PLEKHG7: variants seen among roughly 807,000 people sequenced by gnomAD.
PLEKHG7 encodes pleckstrin homology domain-containing family G member 7.
Under a neutral mutation model 85.2 loss-of-function variants are expected in PLEKHG7, and 77 were observed. The ratio of observed to expected loss-of-function variants is 0.90; its 90% CI spans 0.75 to 1.09. The LOEUF (loss-of-function observed/expected upper bound fraction) is 1.09. PLEKHG7 is among the 50% of genes least tolerant of loss of function. The pLI is 0.00. For missense variants in PLEKHG7, 777 were observed against 804.3 expected (o/e 0.97, Z 0.41); for synonymous variants, 301 against 302.4 (o/e 1.00, Z 0.05).
chr12:92,705,478 G>C (rs1402155898), intron 1 of PLEKHG7, among the ~76,000 whole-genome samples: 1 of 152,188 alleles, frequency 6.6e-6, no homozygotes, highest in Non-Finnish European at 1.5e-5. Flanking sequence ...GTGGGCAAAG[G>C]GTTTCAGATT....
intron 16 of PLEKHG7, 51 bp downstream of exon 16, chr12:92,769,131 T>TC (rs761289119): frequency 6.1e-6 from 8 of 1,318,324 alleles, no homozygotes; most frequent in Non-Finnish European, 4.3e-6. Context: ...TTACATAAGC[T>TC]CCCCCCAAGT....
intron 16 of PLEKHG7, 135 bp from the exon 17 acceptor site, chr12:92,769,953 G>A: frequency 6.7e-6 from 4 of 595,256 alleles, no homozygotes; most frequent in Non-Finnish European, 1.2e-5. Flanking sequence ...GGAAACATAT[G>A]CAAATGTTTC....
At chr12:92,754,428 A>G (rs1357811090) in intron 11 of PLEKHG7, among the ~76,000 whole-genome samples, 164 bp downstream of exon 11, 1 of 152,224 alleles carries the variant, frequency 6.6e-6, no homozygotes, top group Non-Finnish European at 1.5e-5. Flanking sequence ...TGCGCACAGA[A>G]CAATGGGCTC....
At chr12:92,740,990 G>A (rs1441549935) in intron 8 of PLEKHG7, 42 bp downstream of exon 8, 2 of 1,398,158 alleles carry the variant, frequency 1.4e-6, no homozygotes, top group East Asian at 4.6e-5. Flanking sequence ...ATTCACTAGA[G>A]GACCATGAAA....
chr12:92,715,388 A>C (rs566076715), intron 3 of PLEKHG7, among the ~76,000 whole-genome samples: 54 of 152,318 alleles, frequency 3.5e-4, no homozygotes, highest in African/African-American at 1.2e-3. Flanking sequence ...AGATACACCC[A>C]GGATCAATAC....
chr12:92,767,547 G>A (rs554497663), intron 15 of PLEKHG7, among the ~76,000 whole-genome samples: 93 of 151,596 alleles, frequency 6.1e-4, no homozygotes, highest in African/African-American at 2.2e-3. Flanking sequence ...AAGTCCTCTC[G>A]CTGCAGAGAA....
intron 9 of PLEKHG7, among the ~76,000 whole-genome samples, chr12:92,742,811 C>T (rs537304314): frequency 8.6e-5 from 13 of 152,032 alleles, no homozygotes; most frequent in African/African-American, 2.9e-4. Context: ...GTCTCGAATT[C>T]CCTCCCAAAG....
intron 9 of PLEKHG7, among the ~76,000 whole-genome samples, chr12:92,744,011 A>G (rs1449673952): frequency 6.6e-6 from 1 of 152,134 alleles, no homozygotes; most frequent in Non-Finnish European, 1.5e-5. Flanking sequence ...ATAAACTCAC[A>G]TCATCTTTCA....
intron 3 of PLEKHG7, among the ~76,000 whole-genome samples, chr12:92,728,513 T>TATATAAATATATATAC (rs1871889296): frequency 9.1e-6 from 1 of 109,470 alleles, no homozygotes; most frequent in Non-Finnish European, 2.0e-5. Flanking sequence ...AATATATGTA[T>TATATAAATATATATAC]ATACCACATC....
intron 7 of PLEKHG7, 85 bp from the exon 8 acceptor site, chr12:92,740,768 G>A: frequency 4.9e-6 from 4 of 819,256 alleles, no homozygotes; most frequent in Non-Finnish European, 7.9e-6. Context: ...TTACACCCAG[G>A]AGGTTTATGT....
intron 5 of PLEKHG7, among the ~76,000 whole-genome samples, chr12:92,733,673 T>G (rs1294746697): frequency 6.6e-6 from 1 of 152,034 alleles, no homozygotes; most frequent in African/African-American, 2.4e-5. Context: ...AAGGGGCATC[T>G]CCCCCCTAGC....
rs923267297 is a variant in PLEKHG7 at position 92,712,719 on chromosome 12, C to T, written c.530+5047C>T. ...GCCTTTCCCTCCGTAATAGCCCTCA[C>T]CCTACCAGTCAGGAAGCCAATGTGG... is the stretch of plus-strand genomic sequence containing the variant. On this transcript the variant is annotated intron_variant, in intron 3 of 16. Coordinates refer to ENST00000344636, the MANE Select transcript of PLEKHG7 (RefSeq NM_001377329.1). Among the ~76,000 whole-genome samples the T allele has an allele frequency of 2.6e-5, 4 of 152,220 alleles. No individual in the cohort carries two copies. The South Asian group carries it at 8.3e-4, about 32-fold the overall frequency.
chr12:92,736,344 C>CAACA (rs1872147509), intron 5 of PLEKHG7, 138 bp from the exon 6 acceptor site: 1 of 473,520 alleles, frequency 2.1e-6, no homozygotes, highest in Non-Finnish European at 3.4e-6. Flanking sequence ...GGCTTTGGAA[C>CAACA]TGTTAGTGGC....
chr12:92,709,032 G>A (rs534899664), intron 3 of PLEKHG7, among the ~76,000 whole-genome samples: 126 of 152,214 alleles, frequency 8.3e-4, no homozygotes, highest in Non-Finnish European at 1.6e-3. Flanking sequence ...GTTTAGAGTC[G>A]AATTATTTTA....
At chr12:92,720,333 T>TG (rs1871602880) in intron 3 of PLEKHG7, among the ~76,000 whole-genome samples, 1 of 151,754 alleles carries the variant, frequency 6.6e-6, no homozygotes, top group Middle Eastern at 3.4e-3. Context: ...CTTTTTTTTT[T>TG]TCTTTTTTTT....
intron 3 of PLEKHG7, chr12:92,721,358 G>T: frequency 1.1e-6 from 1 of 892,152 alleles, no homozygotes; most frequent in Non-Finnish European, 1.5e-6. Flanking sequence ...GGAATTCCCG[G>T]GATGCTCTGA....
At chr12:92,762,864 A>G (rs1477135459) in intron 14 of PLEKHG7, among the ~76,000 whole-genome samples, 1 of 152,198 alleles carries the variant, frequency 6.6e-6, no homozygotes, top group African/African-American at 2.4e-5. Context: ...TAAAATAGAT[A>G]CCCATTAATC....
intron 13 of PLEKHG7, 85 bp downstream of exon 13, chr12:92,756,476 C>T (rs1160512608): frequency 9.5e-7 from 1 of 1,049,788 alleles, no homozygotes; most frequent in African/African-American, 1.6e-5. Flanking sequence ...AGCAGGAGGA[C>T]TTGTGTTTGC....
intron 3 of PLEKHG7, among the ~76,000 whole-genome samples, chr12:92,712,508 C>T (rs1871384004): frequency 6.6e-6 from 1 of 152,202 alleles, no homozygotes; most frequent in South Asian, 2.1e-4. Flanking sequence ...CTGTCATTCT[C>T]CAAGATCCAT....
Sources: gnomAD v4.1 joint callset for allele counts (sites outside exome capture counted in the v4.1 genomes callset) on GRCh38, gnomAD v4.1.1 for gene constraint, MANE v1.5 for transcripts, NCBI Gene and HGNC (gene_info 2026-07-23, HGNC 2026-07-21) for gene names.